The following FGF13 variants were observed in gnomAD, a reference collection of about 807,000 sequenced individuals.
The protein encoded by FGF13 is fibroblast growth factor homologous factor 2.
FGF13 carries 2 observed loss-of-function variants against 19.5 expected under a neutral mutation model. The ratio of observed to expected loss-of-function variants is 0.10; its 90% CI spans 0.04 to 0.32. FGF13 has a LOEUF of 0.32. Ranked by LOEUF, FGF13 falls within the 10% of genes least tolerant of loss-of-function variation. The pLI is 1.00. For synonymous variants in FGF13, 72 were observed against 76.9 expected, an observed-to-expected ratio of 0.94 and a Z score of 0.33; for missense variants, 113 against 192.7, an observed-to-expected ratio of 0.59 and a Z score of 2.45.
chrX:138,867,574 A>G (rs1288407188), intron 1 of FGF13, among the ~76,000 whole-genome samples: 1 of 110,875 alleles, frequency 9.0e-6, no homozygotes, highest in East Asian at 2.9e-4. Flanking sequence ...GAAGAGAAAG[A>G]ATGAGAACCA....
intron 3 of FGF13, chrX:138,667,724 G>A (rs1450572326): frequency 2.7e-6 from 1 of 371,700 alleles, no homozygotes; most frequent in Non-Finnish European, 5.4e-6. Context: ...CTCTGTATGG[G>A]AAACCCTGCC....
chrX:139,144,986 ATAAC>A (rs1194466097), intron 1 of FGF13, among the ~76,000 whole-genome samples: 4 of 112,396 alleles, frequency 3.6e-5, no homozygotes, highest in Admixed American at 9.4e-5. Flanking sequence ...TTTAAGAAAA[ATAAC>A]TAAAGTTTTA....
intron 1 of FGF13, among the ~76,000 whole-genome samples, chrX:139,117,109 AG>A (rs1294851178): frequency 1.8e-5 from 2 of 111,464 alleles, no homozygotes; most frequent in Non-Finnish European, 3.8e-5. Context: ...AGTAAAAAAA[AG>A]GAAGGCACCA....
chrX:138,806,263 A>C (rs1297224962), intron 3 of FGF13: 1 of 111,989 alleles, frequency 8.9e-6, no homozygotes, highest in African/African-American at 3.2e-5. Flanking sequence ...AAAATCTCCC[A>C]ACTTATTGAA....
intron 1 of FGF13, among the ~76,000 whole-genome samples, chrX:139,157,831 G>C (rs2083990759): frequency 8.9e-6 from 1 of 112,541 alleles, no homozygotes; most frequent in Non-Finnish European, 1.9e-5. Flanking sequence ...GGCCGAATAG[G>C]AACAGCTGTG....
intron 3 of FGF13, among the ~76,000 whole-genome samples, chrX:138,669,789 G>A (rs2089593464): frequency 9.0e-6 from 1 of 111,223 alleles, no homozygotes; most frequent in African/African-American, 3.3e-5. Context: ...TTACATTTTA[G>A]CACTTCTTCT....
At chrX:139,005,055 C>A (rs2092094592) in intron 1 of FGF13, among the ~76,000 whole-genome samples, 2 of 111,490 alleles carry the variant, frequency 1.8e-5, no homozygotes, top group Non-Finnish European at 3.8e-5. Flanking sequence ...ATTGTAGAGC[C>A]CCAGGGCCCT....
At chrX:138,988,725 C>T (rs2092003261) in intron 1 of FGF13, among the ~76,000 whole-genome samples, 1 of 111,945 alleles carries the variant, frequency 8.9e-6, no homozygotes, top group African/African-American at 3.3e-5. Context: ...ATCTACCTAG[C>T]TGCCTCATTT....
intron 3 of FGF13, among the ~76,000 whole-genome samples, chrX:138,838,688 T>C (rs764980352): frequency 1.8e-5 from 2 of 111,936 alleles, no homozygotes; most frequent in Non-Finnish European, 3.8e-5. Flanking sequence ...CTTTGAGAGC[T>C]ATGGAGCTTC....
intron 1 of FGF13, among the ~76,000 whole-genome samples, chrX:138,940,483 T>C (rs777146304): frequency 1.1e-3 from 127 of 111,721 alleles, no homozygotes; most frequent in African/African-American, 3.8e-3. Flanking sequence ...GCTTTTGGGG[T>C]GTTCGTCATG....
At chrX:138,951,949 C>A (rs2091815000) in intron 1 of FGF13, among the ~76,000 whole-genome samples, 1 of 111,618 alleles carries the variant, frequency 9.0e-6, no homozygotes, top group African/African-American at 3.3e-5. Context: ...AATGGAAGAA[C>A]ATTCCATGCT....
chrX:139,111,535 C>G (rs1006317366), intron 1 of FGF13, among the ~76,000 whole-genome samples: 3 of 111,953 alleles, frequency 2.7e-5, no homozygotes, highest in Non-Finnish European at 3.8e-5. Flanking sequence ...TGCTTCTAAA[C>G]AGAAATTTTT....
Position 138,708,946 on chromosome X carries a change from A to C in FGF13, c.188-18T>G, listed in dbSNP as rs374284128. 3.5e-5 allele frequency: 33 copies of C among 949,540 alleles called. No individual in the cohort carries two copies. In the African/African-American group the frequency reaches 6.2e-4, roughly 18 times the overall value. The allele number at this position is 949,540 out of a possible 1,213,427, so 78.3% of individuals were successfully genotyped here. A position where few individuals can be genotyped will look rare whatever the true frequency, so the allele number is the denominator to read the frequency against. On this transcript the variant is annotated intron_variant, in intron 1 of 4. Coordinates refer to ENST00000315930, the MANE Select transcript of FGF13 (RefSeq NM_004114.5). ...CTGAGGCTCTGCAAAGAGAACAATGATTTGGATCAATTGATAAATTGTGCC... is the reference window on the plus strand; with the variant it reads ...CTGAGGCTCTGCAAAGAGAACAATGCTTTGGATCAATTGATAAATTGTGCC...
intron 3 of FGF13, among the ~76,000 whole-genome samples, chrX:138,674,795 C>A (rs2089648856): frequency 1.8e-5 from 2 of 110,780 alleles, no homozygotes; most frequent in African/African-American, 6.6e-5. Context: ...ATAGGGTGGA[C>A]AAGATCATTG....
chrX:138,671,506 AG>A (rs934062272), intron 3 of FGF13, among the ~76,000 whole-genome samples: 5 of 111,938 alleles, frequency 4.5e-5, no homozygotes, highest in Non-Finnish European at 9.4e-5. Flanking sequence ...TAAATATTGT[AG>A]GCAACATTTA....
chrX:138,966,683 C>T (rs2091896302), intron 1 of FGF13, among the ~76,000 whole-genome samples: 1 of 111,425 alleles, frequency 9.0e-6, no homozygotes, highest in Admixed American at 9.5e-5. Flanking sequence ...GAATGGATTA[C>T]GACTCTGGGG....
At chrX:138,924,051 T>C (rs1300954376) in intron 1 of FGF13, among the ~76,000 whole-genome samples, 2 of 111,901 alleles carry the variant, frequency 1.8e-5, no homozygotes, top group Non-Finnish European at 3.8e-5. Context: ...AAATGGAAAG[T>C]TCCTTTTGAT....
chrX:139,099,377 C>CAAAAAAAAAAAAAA (rs59882808), intron 1 of FGF13, among the ~76,000 whole-genome samples: 5 of 32,936 alleles, frequency 1.5e-4, no homozygotes, highest in Non-Finnish European at 2.9e-4. Context: ...GTTTCTATCT[C>CAAAAAAAAAAAAAA]AAAAAAAAAA....
upstream of FGF13, among the ~76,000 whole-genome samples, chrX:138,712,514 A>T (rs182800629): frequency 6.3e-5 from 7 of 111,099 alleles, no homozygotes; most frequent in Admixed American, 9.5e-5. Flanking sequence ...CTTCCCTCCA[A>T]TTCAGGAACC....
Sources: allele counts gnomAD v4.1 joint callset (sites outside exome capture counted in the v4.1 genomes callset), GRCh38; gene constraint gnomAD v4.1.1; transcripts MANE v1.5; gene names NCBI Gene and HGNC (gene_info 2026-07-23, HGNC 2026-07-21).